Variants in KCNQ3 observed in about 807,000 individuals in gnomAD.
KCNQ3 encodes the protein potassium voltage-gated channel subfamily KQT member 3.
A neutral mutation model predicts 92.5 loss-of-function variants in KCNQ3; 30 were observed. The ratio of observed to expected loss-of-function variants is 0.32; its 90% CI spans 0.24 to 0.44. The LOEUF is 0.44. Among genes scored for constraint, KCNQ3 ranks in the 20% least tolerant of loss-of-function variants. The pLI is 1.00. For missense variants in KCNQ3, 913 were observed against 1,140.3 expected (o/e 0.80, Z 2.87); for synonymous variants, 450 against 468.8 (o/e 0.96, Z 0.52).
rs762235402 is a variant in KCNQ3 at position 132,284,027 on chromosome 8, T to C, written c.387-97846A>G. ...AAGGCTAGAGCCAGATGAGGAACCA[T>C]ACATCAAACAAGGGCAAACAAAGAA... is the stretch of plus-strand genomic sequence containing the variant. On this transcript the variant is annotated intron_variant, in intron 1 of 14. Transcript: ENST00000388996. 3.7e-4 allele frequency among the ~76,000 whole-genome samples: 56 copies of C among 152,150 alleles called. 1 individual carries two copies. The highest frequency in any genetic ancestry group is 5.9e-5 in the Non-Finnish European group (4 of 68,024).
chr8:132,255,307 C>A (rs1388035234), intron 1 of KCNQ3, among the ~76,000 whole-genome samples: 1 of 152,182 alleles, frequency 6.6e-6, no homozygotes, highest in African/African-American at 2.4e-5. Flanking sequence ...TTTGACCTGA[C>A]TCAGAACTTT....
intron 8 of KCNQ3, among the ~76,000 whole-genome samples, chr8:132,168,139 C>G (rs1826194857): frequency 6.6e-6 from 1 of 152,172 alleles, no homozygotes; most frequent in Non-Finnish European, 1.5e-5. Context: ...TCCCTTTTGC[C>G]TGTTCTCTTT....
At chr8:132,372,527 T>C (rs913248695) in intron 1 of KCNQ3, among the ~76,000 whole-genome samples, 1 of 151,918 alleles carries the variant, frequency 6.6e-6, no homozygotes, top group African/African-American at 2.4e-5. Flanking sequence ...AGGCCGAGGC[T>C]GGTGGATCAC....
chr8:132,270,886 T>A (rs1389036425), intron 1 of KCNQ3, among the ~76,000 whole-genome samples: 1 of 152,236 alleles, frequency 6.6e-6, no homozygotes, highest in East Asian at 1.9e-4. Flanking sequence ...GGCCCAGGGA[T>A]GTTTACTTTA....
At chr8:132,234,468 A>G (rs1375565296) in intron 1 of KCNQ3, among the ~76,000 whole-genome samples, 1 of 148,130 alleles carries the variant, frequency 6.8e-6, no homozygotes, top group Admixed American at 7.0e-5. Context: ...AGCCAGTCCT[A>G]TGATGGGGCT....
intron 1 of KCNQ3, among the ~76,000 whole-genome samples, chr8:132,367,421 T>C (rs1161425862): frequency 6.6e-6 from 1 of 152,226 alleles, no homozygotes; most frequent in East Asian, 1.9e-4. Flanking sequence ...CACTTATTCT[T>C]CCAACATTAT....
intron 1 of KCNQ3, among the ~76,000 whole-genome samples, chr8:132,459,245 G>A (rs368203190): frequency 3.3e-5 from 5 of 152,224 alleles, no homozygotes; most frequent in South Asian, 4.1e-4. Context: ...CATGGTTGAT[G>A]TTAACCTGGA....
In KCNQ3 at chr8:132,303,677, T is replaced by TATATACACACAC. The variant is rs376933089; in HGVS notation, c.387-117497_387-117496insGTGTGTGTATAT. On this transcript the variant is annotated intron_variant, in intron 1 of 14. Transcript: ENST00000388996. ...TTTATGGTGTGTGTGTATATATATA[T>TATATACACACAC]ACACACACACAGCCACACCACACAC... Among the ~76,000 whole-genome samples, 82 of 85,994 alleles carry TATATACACACAC rather than the reference T, an allele frequency of 9.5e-4. 2 individuals carry two copies. The highest frequency in any genetic ancestry group is 2.9e-3 in the African/African-American group (64 of 22,188). The allele number at this position is 85,994 out of a possible 152,430, so 56.4% of individuals were successfully genotyped here. A position where few individuals can be genotyped will look rare whatever the true frequency, so the allele number is the denominator to read the frequency against.
chr8:132,357,799 T>C (rs555540133), intron 1 of KCNQ3, among the ~76,000 whole-genome samples: 1 of 152,324 alleles, frequency 6.6e-6, no homozygotes, highest in East Asian at 1.9e-4. Flanking sequence ...CCCACTCCAC[T>C]GGTCCATCTC....
chr8:132,149,197 G>C (rs908933087), intron 9 of KCNQ3, among the ~76,000 whole-genome samples: 1 of 152,226 alleles, frequency 6.6e-6, no homozygotes, highest in Admixed American at 6.5e-5. Context: ...AGGCAGATGA[G>C]GGGGAAGGTC....
intron 9 of KCNQ3, among the ~76,000 whole-genome samples, chr8:132,143,943 A>G (rs1185519817): frequency 1.3e-5 from 2 of 152,214 alleles, no homozygotes; most frequent in Admixed American, 1.3e-4. Context: ...TCCGTATGAG[A>G]TAAGTATATG....
At chr8:132,333,289 G>C (rs1300018584) in intron 1 of KCNQ3, among the ~76,000 whole-genome samples, 1 of 152,174 alleles carries the variant, frequency 6.6e-6, no homozygotes, top group East Asian at 1.9e-4. Context: ...AGTTCAGAGA[G>C]AGAGAGAGAG....
intron 1 of KCNQ3, among the ~76,000 whole-genome samples, chr8:132,235,398 G>A (rs1814781440): frequency 6.6e-6 from 1 of 152,168 alleles, no homozygotes; most frequent in South Asian, 2.1e-4. Flanking sequence ...AACTACTTAG[G>A]AGGTTGAGGC....
chr8:132,408,847 T>C (rs1436740117), intron 1 of KCNQ3, among the ~76,000 whole-genome samples: 2 of 152,114 alleles, frequency 1.3e-5, no homozygotes, highest in Admixed American at 1.3e-4. Flanking sequence ...GCCTCGGTCC[T>C]ACAACTGCAA....
intron 1 of KCNQ3, among the ~76,000 whole-genome samples, chr8:132,262,767 A>G (rs935243810): frequency 1.3e-5 from 2 of 152,258 alleles, no homozygotes; most frequent in South Asian, 2.1e-4. Flanking sequence ...TTGGACAGAC[A>G]TAAGAGAAAA....
At chr8:132,394,794 C>T (rs1820150444) in intron 1 of KCNQ3, among the ~76,000 whole-genome samples, 1 of 152,206 alleles carries the variant, frequency 6.6e-6, no homozygotes, top group Non-Finnish European at 1.5e-5. Flanking sequence ...TAACCAGCAC[C>T]CAGCACTGAG....
chr8:132,232,196 A>C (rs1409744504), intron 1 of KCNQ3, among the ~76,000 whole-genome samples: 1 of 152,186 alleles, frequency 6.6e-6, no homozygotes, highest in Non-Finnish European at 1.5e-5. Context: ...AATATGATCA[A>C]GGCACTTCAA....
rs373813381 is a variant in KCNQ3 at position 132,186,086 on chromosome 8, C to A, written c.477+5G>T. On this transcript the variant is annotated splice_donor_5th_base_variant and intron_variant, in intron 2 of 14. Transcript: ENST00000388996. ...AGAAGCATTTACCCCAGAATGCAAT[C>A]TTACCAGTAACAGAAGCCAGTCTCC... The A allele has an allele frequency of 1.9e-6, 3 of 1,609,108 alleles. No individual in the cohort carries two copies. Among genetic ancestry groups the A allele is most frequent in the African/African-American group, 2.7e-5 (2 of 74,800 alleles).
At chr8:132,151,640 G>A (rs1409263652) in intron 9 of KCNQ3, among the ~76,000 whole-genome samples, 1 of 152,170 alleles carries the variant, frequency 6.6e-6, no homozygotes, top group Non-Finnish European at 1.5e-5. Flanking sequence ...TAAAATTTCT[G>A]AGTCATCATT....
Sources: gnomAD v4.1 joint callset for allele counts (sites outside exome capture counted in the v4.1 genomes callset) on GRCh38, gnomAD v4.1.1 for gene constraint, MANE v1.5 for transcripts, NCBI Gene and HGNC (gene_info 2026-07-23, HGNC 2026-07-21) for gene names.